Variants in C7 observed in about 807,000 individuals in gnomAD.
C7 encodes complement component C7.
Under a neutral mutation model 104.8 loss-of-function variants are expected in C7, and 83 were observed. The ratio of observed to expected loss-of-function variants is 0.79; its 90% CI spans 0.66 to 0.95. The LOEUF (loss-of-function observed/expected upper bound fraction) is 0.95. Among genes scored for constraint, C7 ranks in the 40% least tolerant of loss-of-function variants. The pLI, the probability that C7 is intolerant of heterozygous loss-of-function variation, is 0.00. For missense variants in C7, 1,070 were observed against 1,011.2 expected (o/e 1.06, Z -0.79); for synonymous variants, 415 against 360.6 (o/e 1.15, Z -1.71).
intron 1 of C7, among the ~76,000 whole-genome samples, chr5:40,914,357 A>T (rs1383947869): frequency 6.6e-6 from 1 of 152,044 alleles, no homozygotes; most frequent in Non-Finnish European, 1.5e-5. Flanking sequence ...TAGATTCTGG[A>T]TATTAGTTCT....
chr5:40,964,020 C>CTTGT (rs1740487746), intron 13 of C7, among the ~76,000 whole-genome samples: 1 of 39,862 alleles, frequency 2.5e-5, no homozygotes, highest in East Asian at 1.1e-3. Flanking sequence ...GCTCATAATA[C>CTTGT]TTTTTTTTTT....
chr5:40,931,021 T>G (rs1379064811), intron 2 of C7, 43 bp from the exon 3 acceptor site: 1 of 1,336,976 alleles, frequency 7.5e-7, no homozygotes, highest in Non-Finnish European at 1.1e-6. Flanking sequence ...CCCTTGCGTA[T>G]CTTTCCACCT....
chr5:40,963,345 C>T (rs1389780221), intron 13 of C7, among the ~76,000 whole-genome samples: 1 of 152,160 alleles, frequency 6.6e-6, no homozygotes, highest in East Asian at 1.9e-4. Context: ...TGATATACAG[C>T]CGCATTTGTG....
At position 40,974,041 on chromosome 5, in the gene C7, C is replaced by CT. The variant is rs562456453; in HGVS notation, c.2074+1456dup. Among the ~76,000 whole-genome samples the CT allele has an allele frequency of 1.9e-3, 292 of 151,570 alleles. 1 individual carries two copies. The highest frequency in any genetic ancestry group is 5.6e-3 in the African/African-American group (231 of 41,340). On this transcript the variant is annotated intron_variant, in intron 15 of 17. Transcript: ENST00000313164. ...AATGTTGGCTGTTCTAGTATTTAGT[C>CT]TTTTTTTTTATTATAATAAAGCATA...
chr5:40,978,144 A>AC (rs201175962), intron 16 of C7, among the ~76,000 whole-genome samples: 1 of 146,332 alleles, frequency 6.8e-6, no homozygotes. Flanking sequence ...CAAAAAGAAA[A>AC]AAAAAAAAAA....
chr5:40,928,205 C>A (rs189954997), intron 1 of C7, among the ~76,000 whole-genome samples: 2 of 152,012 alleles, frequency 1.3e-5, no homozygotes, highest in South Asian at 2.1e-4. Flanking sequence ...GTAAAACAAT[C>A]GAACTTGTAG....
chr5:40,921,404 T>C (rs191177850), intron 1 of C7, among the ~76,000 whole-genome samples: 27 of 152,204 alleles, frequency 1.8e-4, no homozygotes, highest in African/African-American at 6.0e-4. Context: ...ACAGATTCAA[T>C]GTAATCTCTA....
chr5:40,919,269 C>T (rs1320257913), intron 1 of C7, among the ~76,000 whole-genome samples: 4 of 151,918 alleles, frequency 2.6e-5, no homozygotes, highest in East Asian at 1.9e-4. Flanking sequence ...GGACTACAGG[C>T]GTGCACCACC....
chr5:40,970,047 G>A lies in C7; in HGVS notation c.1883-2356G>A, dbSNP rs543277309. On this transcript the variant is annotated intron_variant, in intron 14 of 17. Transcript: ENST00000313164. ...TATGAAGTTTTGGAAGGCATAAGAT[G>A]TGACTTGTACTTTGCTGTGTCCCAA... Among the ~76,000 whole-genome samples the A allele has an allele frequency of 1.6e-4, 24 of 152,158 alleles. 1 individual carries two copies. The South Asian group carries it at 3.9e-3, about 25-fold the overall frequency.
chr5:40,923,745 TAA>T (rs60201118), intron 1 of C7, among the ~76,000 whole-genome samples: 171 of 144,602 alleles, frequency 1.2e-3, no homozygotes, highest in Admixed American at 1.4e-3. Context: ...GACTCTGTCT[TAA>T]AAAAAAAAAA....
chr5:40,978,098 G>A (rs944748635), intron 16 of C7, among the ~76,000 whole-genome samples: 26 of 143,166 alleles, frequency 1.8e-4, no homozygotes, highest in East Asian at 4.1e-4. Flanking sequence ...TCATGCCACC[G>A]CACTCCAGCT....
At chr5:40,930,204 CTTTT>C (rs34608357) in intron 2 of C7, among the ~76,000 whole-genome samples, 19 of 123,058 alleles carry the variant, frequency 1.5e-4, no homozygotes, top group African/African-American at 5.3e-4. Flanking sequence ...TGACCTACCT[CTTTT>C]TTTTTTTTTT....
intron 6 of C7, among the ~76,000 whole-genome samples, chr5:40,939,739 T>C (rs1411241318): frequency 2.0e-5 from 3 of 152,238 alleles, no homozygotes; most frequent in Non-Finnish European, 4.4e-5. Context: ...TTTAGAAAGT[T>C]ACAGAGCAGA....
chr5:40,984,479 G>T lies in C7; in HGVS notation c.*2906G>T, dbSNP rs1466082645. The stretch of plus-strand genomic sequence containing the variant: ...CATCTAGTTGTTTTGTAACTGCTAA[G>T]AGCTGCAAGTGCTGAGCAGCTGGTT... On this transcript the variant is annotated 3_prime_UTR_variant, in exon 18 of 18. Coordinates refer to ENST00000313164, the MANE Select transcript of C7 (RefSeq NM_000587.4). Among the ~76,000 whole-genome samples the T allele has an allele frequency of 3.9e-5, 6 of 152,182 alleles. No individual in the cohort carries two copies. The highest frequency in any genetic ancestry group is 7.4e-5 in the Non-Finnish European group (5 of 68,018).
intron 13 of C7, 129 bp downstream of exon 13, chr5:40,962,301 T>C (rs1388025856): frequency 3.8e-6 from 2 of 520,324 alleles, no homozygotes; most frequent in Non-Finnish European, 6.6e-6. Context: ...ATTTTAGTTT[T>C]AGTGGTGAGG....
intron 6 of C7, among the ~76,000 whole-genome samples, chr5:40,939,721 G>A (rs566880810): frequency 1.3e-5 from 2 of 152,210 alleles, no homozygotes; most frequent in South Asian, 4.1e-4. Context: ...ATTTTTGAAA[G>A]GGTCAAATTT....
intron 1 of C7, among the ~76,000 whole-genome samples, chr5:40,909,859 G>A (rs989181669): frequency 2.0e-5 from 3 of 152,020 alleles, no homozygotes; most frequent in Non-Finnish European, 4.4e-5. Context: ...GAAATTATAG[G>A]TCCAGAGGTC....
chr5:40,931,033 C>T (rs1739671804), intron 2 of C7, 31 bp from the exon 3 acceptor site: 6 of 1,489,734 alleles, frequency 4.0e-6, no homozygotes, highest in Non-Finnish European at 5.6e-6. Context: ...TTTCCACCTG[C>T]TTTATGATGG....
At chr5:40,972,238 C>G (rs1244597069) in intron 14 of C7, among the ~76,000 whole-genome samples, 165 bp from the exon 15 acceptor site, 2 of 152,144 alleles carry the variant, frequency 1.3e-5, no homozygotes, top group Non-Finnish European at 1.5e-5. Flanking sequence ...GTGCCAGGCT[C>G]TGTGTGACAT....
Sources: allele counts gnomAD v4.1 joint callset (sites outside exome capture counted in the v4.1 genomes callset), GRCh38; gene constraint gnomAD v4.1.1; transcripts MANE v1.5; gene names NCBI Gene and HGNC (gene_info 2026-07-23, HGNC 2026-07-21).